The following EPHA4 variants were observed in gnomAD, a reference collection of about 807,000 sequenced individuals.
EPHA4 encodes ephrin type-A receptor 4.
EPHA4 carries 19 observed loss-of-function variants against 108.3 expected under a neutral mutation model. The ratio of observed to expected loss-of-function variants is 0.18; its 90% confidence interval spans 0.12 to 0.26. The LOEUF (loss-of-function observed/expected upper bound fraction) is 0.26. EPHA4 is among the 10% of genes least tolerant of loss of function. The probability of loss-of-function intolerance (pLI) is 1.00; values close to 1 mark genes in which losing one functional copy is unlikely to be tolerated. For missense variants in EPHA4, 917 were observed against 1,254.0 expected (o/e 0.73, Z 4.06); for synonymous variants, 449 against 455.5 (o/e 0.99, Z 0.18).
intron 3 of EPHA4, among the ~76,000 whole-genome samples, chr2:221,555,414 T>A (rs2106201986): frequency 6.6e-6 from 1 of 152,326 alleles, no homozygotes; most frequent in Non-Finnish European, 1.5e-5. Context: ...ATGAAGAATC[T>A]GCTGCCTGGA....
At chr2:221,468,966 G>A (rs909785556) in intron 5 of EPHA4, among the ~76,000 whole-genome samples, 1 of 152,222 alleles carries the variant, frequency 6.6e-6, no homozygotes, top group Non-Finnish European at 1.5e-5. Flanking sequence ...AATCATCTGT[G>A]AAGTTAAAGA....
intron 3 of EPHA4, among the ~76,000 whole-genome samples, chr2:221,562,238 T>A (rs187789274): frequency 1.3e-3 from 195 of 150,612 alleles, no homozygotes; most frequent in Non-Finnish European, 1.6e-3. Flanking sequence ...TAACACTGAG[T>A]CAACAGAAAA....
At chr2:221,491,803 G>A (rs933035329) in intron 4 of EPHA4, among the ~76,000 whole-genome samples, 1 of 152,058 alleles carries the variant, frequency 6.6e-6, no homozygotes, top group East Asian at 1.9e-4. Context: ...TAGGGCGAGG[G>A]GCAATTATAT....
At chr2:221,551,966 A>G (rs1694176963) in intron 3 of EPHA4, among the ~76,000 whole-genome samples, 1 of 152,052 alleles carries the variant, frequency 6.6e-6, no homozygotes, top group African/African-American at 2.4e-5. Context: ...CTGAATATTC[A>G]TATATTACTT....
chr2:221,539,206 T>G (rs748001128), intron 3 of EPHA4, among the ~76,000 whole-genome samples: 2 of 152,214 alleles, frequency 1.3e-5, no homozygotes, highest in Non-Finnish European at 2.9e-5. Flanking sequence ...GGTTCATGTG[T>G]GTTTCACGTA....
At chr2:221,563,453 T>C (rs1373149893) in intron 3 of EPHA4, among the ~76,000 whole-genome samples, 3 of 152,214 alleles carry the variant, frequency 2.0e-5, no homozygotes, top group African/African-American at 7.2e-5. Flanking sequence ...GCTTGTTCAT[T>C]TACATTTCAG....
chr2:221,571,520 G>A lies in EPHA4; in HGVS notation c.91+638C>T, dbSNP rs1367472590. ...GCCGGCGGGTTCCCCAAGTCTGCGG[G>A]GCGAAGAGCTCGGGCCCCTCAGGCC... On this transcript the variant is annotated intron_variant, in intron 1 of 17. Coordinates refer to ENST00000281821, the MANE Select transcript of EPHA4 (RefSeq NM_004438.5). This position sits in a 1 kb window ranked among gnomAD's most constrained non-coding sequence, Gnocchi z 6.3. 6.6e-6 allele frequency among the ~76,000 whole-genome samples: 1 copy of A among 152,238 alleles called. No homozygotes were observed. Among genetic ancestry groups the A allele is most frequent in the Admixed American group, 6.5e-5 (1 of 15,288 alleles).
At chr2:221,551,373 T>C (rs562842300) in intron 3 of EPHA4, among the ~76,000 whole-genome samples, 2 of 152,286 alleles carry the variant, frequency 1.3e-5, no homozygotes, top group East Asian at 1.9e-4. Context: ...CTATCTCTTG[T>C]AGAAGTCAAC....
chr2:221,528,079 CT>C, intron 3 of EPHA4, among the ~76,000 whole-genome samples: 1 of 146,442 alleles, frequency 6.8e-6, no homozygotes, highest in Non-Finnish European at 1.5e-5. Flanking sequence ...CAAACCTTAT[CT>C]GTTGTTTAAA....
rs372398872 is a variant in EPHA4 at position 221,456,807 on chromosome 2, C to T, written c.1444-35G>A. ...GGCAAGATAAAATTGGGGAAGGTGGCAAAATAAATCTCCTGCTTACTTACT... is the reference window on the plus strand; with the variant it reads ...GGCAAGATAAAATTGGGGAAGGTGGTAAAATAAATCTCCTGCTTACTTACT... On this transcript the variant is annotated intron_variant, in intron 6 of 17. Transcript: ENST00000281821. The T allele has an allele frequency of 1.9e-6, 3 of 1,608,546 alleles. No individual in the cohort carries two copies. In the African/African-American group the frequency reaches 4.0e-5, roughly 22 times the overall value.
At chr2:221,429,348 C>T (rs1443625145) in intron 15 of EPHA4, among the ~76,000 whole-genome samples, 1 of 152,160 alleles carries the variant, frequency 6.6e-6, no homozygotes, top group Non-Finnish European at 1.5e-5. Context: ...AAAATAACTA[C>T]CTCTTTCAGG....
At chr2:221,500,892 A>G (rs2276629) in intron 4 of EPHA4, 125 bp downstream of exon 4, 6 of 1,076,382 alleles carry the variant, frequency 5.6e-6, no homozygotes, top group East Asian at 2.6e-5. Context: ...TGATTGAGAA[A>G]GGATGAATGT....
At chr2:221,470,575 A>T (rs564833162) in intron 5 of EPHA4, among the ~76,000 whole-genome samples, 1 of 146,644 alleles carries the variant, frequency 6.8e-6, no homozygotes, top group Non-Finnish European at 1.5e-5. Flanking sequence ...ACTTTAGGGA[A>T]CCTCTGCTTT....
chr2:221,546,702 A>G (rs1028657242), intron 3 of EPHA4, among the ~76,000 whole-genome samples: 35 of 152,290 alleles, frequency 2.3e-4, no homozygotes, highest in South Asian at 6.2e-4. Flanking sequence ...AAACTGTTCT[A>G]TCTTGCCATA....
intron 5 of EPHA4, among the ~76,000 whole-genome samples, chr2:221,481,163 C>T (rs764317524): frequency 1.3e-5 from 2 of 152,048 alleles, no homozygotes; most frequent in African/African-American, 2.4e-5. Context: ...AAGTCAGAAG[C>T]GAAAGCCTAG....
intron 3 of EPHA4, chr2:221,502,406 T>C (rs963984121): frequency 1.2e-5 from 5 of 410,198 alleles, no homozygotes; most frequent in Non-Finnish European, 2.5e-5. Flanking sequence ...TTTTCATTCA[T>C]CATGTCCTTA....
At chr2:221,548,874 A>T (rs750923943) in intron 3 of EPHA4, among the ~76,000 whole-genome samples, 36 of 152,156 alleles carry the variant, frequency 2.4e-4, no homozygotes, top group Non-Finnish European at 4.4e-4. Context: ...CCATCCCAGG[A>T]CATTTCAAAA....
intron 8 of EPHA4, among the ~76,000 whole-genome samples, chr2:221,450,445 A>G (rs1219750857): frequency 2.0e-5 from 3 of 152,216 alleles, no homozygotes; most frequent in South Asian, 4.1e-4. Flanking sequence ...CATCACTAGC[A>G]GAGTCTTGAA....
rs2303898 is a variant in EPHA4, at chr2:221,437,180, A to G, written c.2075-58T>C. 524 of 1,310,100 alleles carry G rather than the reference A, an allele frequency of 4.0e-4. 5 individuals carry two copies. The South Asian group carries it at 5.1e-3, about 13-fold the overall frequency. 81.2% of individuals were successfully genotyped at this position (1,310,100 alleles called of 1,614,324 possible). On this transcript the variant is annotated intron_variant, in intron 11 of 17. Coordinates refer to ENST00000281821, the MANE Select transcript of EPHA4 (RefSeq NM_004438.5). ...TGATGAGCGCTGCACTTAATGAGATAAAAATGGGCTGCGCACAATTTTACT... is the reference window on the plus strand; with the variant it reads ...TGATGAGCGCTGCACTTAATGAGATGAAAATGGGCTGCGCACAATTTTACT...
Sources: allele counts gnomAD v4.1 joint callset (sites outside exome capture counted in the v4.1 genomes callset), GRCh38; gene constraint gnomAD v4.1.1; non-coding constraint Gnocchi (gnomAD v3.1); transcripts MANE v1.5; gene names NCBI Gene and HGNC (gene_info 2026-07-23, HGNC 2026-07-21).